Variants in CSNK2A2IP observed in about 807,000 individuals in gnomAD.
CSNK2A2IP encodes casein kinase 2 subunit alpha' interacting protein, also known as casein kinase II subunit alpha'-interacting protein.
chr3:88,418,325 C>T, the CSNK2A2IP span, among the ~76,000 whole-genome samples: 2 of 151,924 alleles, frequency 1.3e-5, no homozygotes, highest in Non-Finnish European at 2.9e-5. Flanking sequence ...ATATTGCATG[C>T]CTGTCGGCAT....
the CSNK2A2IP span, among the ~76,000 whole-genome samples, chr3:88,378,777 GTA>G: frequency 6.6e-6 from 1 of 151,816 alleles, no homozygotes; most frequent in African/African-American, 2.4e-5. Context: ...ATTTTTCTGT[GTA>G]TCCTAATGCA....
chr3:88,413,120 T>A, the CSNK2A2IP span, among the ~76,000 whole-genome samples: 1 of 152,040 alleles, frequency 6.6e-6, no homozygotes, highest in Admixed American at 6.6e-5. Flanking sequence ...CCTGTGACTT[T>A]GATTTAATTT....
At chr3:88,401,269 T>C in the CSNK2A2IP span, among the ~76,000 whole-genome samples, 1 of 152,128 alleles carries the variant, frequency 6.6e-6, no homozygotes, top group Non-Finnish European at 1.5e-5. Context: ...TTTCACAAGA[T>C]CTTATGTCTT....
chr3:88,461,237 T>A, the CSNK2A2IP span, among the ~76,000 whole-genome samples: 1 of 152,286 alleles, frequency 6.6e-6, no homozygotes, highest in East Asian at 1.9e-4. Flanking sequence ...GTTTGGAATA[T>A]AAACTTTTAA....
the CSNK2A2IP span, among the ~76,000 whole-genome samples, chr3:88,431,503 A>G: frequency 2.6e-5 from 4 of 152,186 alleles, no homozygotes; most frequent in African/African-American, 9.7e-5. Context: ...AACAGGGTAC[A>G]GTGTATACTA....
chr3:88,406,131 T>C, the CSNK2A2IP span, among the ~76,000 whole-genome samples: 1 of 152,124 alleles, frequency 6.6e-6, no homozygotes, highest in Non-Finnish European at 1.5e-5. Context: ...ACAATTCAAA[T>C]AGAAGAAAAT....
At chr3:88,443,966 A>C in the CSNK2A2IP span, among the ~76,000 whole-genome samples, 141 of 152,270 alleles carry the variant, frequency 9.3e-4, 1 homozygote, top group East Asian at 0.025. Flanking sequence ...AGTAGATTTA[A>C]ATTTTTTTCT....
chr3:88,353,683 A>T, the CSNK2A2IP span, among the ~76,000 whole-genome samples: 1 of 152,202 alleles, frequency 6.6e-6, no homozygotes, highest in Non-Finnish European at 1.5e-5. Context: ...AGTAGAGATA[A>T]TAATGAAGTA....
At chr3:88,376,692 A>G in the CSNK2A2IP span, among the ~76,000 whole-genome samples, 2 of 151,734 alleles carry the variant, frequency 1.3e-5, no homozygotes, top group Non-Finnish European at 2.9e-5. Flanking sequence ...TTCTCATGCT[A>G]TCATAGTTTC....
chr3:88,421,562 A>C, the CSNK2A2IP span, among the ~76,000 whole-genome samples: 2 of 152,026 alleles, frequency 1.3e-5, no homozygotes, highest in South Asian at 2.1e-4. Flanking sequence ...TTACAGGTGC[A>C]TGCCACCACG....
chr3:88,412,382 C>A, the CSNK2A2IP span, among the ~76,000 whole-genome samples: 2 of 151,886 alleles, frequency 1.3e-5, 1 homozygote, highest in South Asian at 4.2e-4. Flanking sequence ...TCTTCTGGAC[C>A]TTTATTTCTT....
At chr3:88,453,862 G>A in the CSNK2A2IP span, among the ~76,000 whole-genome samples, 438 of 152,090 alleles carry the variant, frequency 2.9e-3, 2 homozygotes, top group African/African-American at 9.8e-3. Context: ...ATAGTAGATT[G>A]ATTACAGTTT....
the CSNK2A2IP span, among the ~76,000 whole-genome samples, chr3:88,441,887 A>T: frequency 6.6e-6 from 1 of 152,152 alleles, no homozygotes; most frequent in Admixed American, 6.6e-5. Flanking sequence ...TCTTCTTGTT[A>T]CCATTTTTAT....
chr3:88,394,409 G>C, the CSNK2A2IP span, among the ~76,000 whole-genome samples: 6 of 152,136 alleles, frequency 3.9e-5, no homozygotes, highest in Admixed American at 1.3e-4. Flanking sequence ...TTTTGCTCTT[G>C]TTGCCCAGAC....
chr3:88,432,090 CTT>C, the CSNK2A2IP span, among the ~76,000 whole-genome samples: 2 of 151,848 alleles, frequency 1.3e-5, no homozygotes, highest in Non-Finnish European at 2.9e-5. Flanking sequence ...TTTTTAGACA[CTT>C]GAGCTGGCTT....
At chr3:88,463,299 G>A in the CSNK2A2IP span, among the ~76,000 whole-genome samples, 56,261 of 149,854 alleles carry the variant, frequency 0.38, 11,020 homozygotes, top group East Asian at 0.69. Context: ...AATCTGAAGA[G>A]CCAACCTTGG....
chr3:88,386,127 T>C, the CSNK2A2IP span, among the ~76,000 whole-genome samples: 3 of 152,148 alleles, frequency 2.0e-5, no homozygotes, highest in African/African-American at 7.2e-5. Flanking sequence ...TATGCTATTT[T>C]TTTTTTCTTT....
At chr3:88,356,552 A>C in the CSNK2A2IP span, among the ~76,000 whole-genome samples, 1 of 152,154 alleles carries the variant, frequency 6.6e-6, no homozygotes, top group African/African-American at 2.4e-5. Flanking sequence ...TAAAGCTGTA[A>C]TAAAAATGCA....
chr3:88,459,263 T>C, the CSNK2A2IP span, among the ~76,000 whole-genome samples: 1 of 152,142 alleles, frequency 6.6e-6, no homozygotes. Context: ...CACCCTCTCA[T>C]ATTTGCAATA....
Sources: allele counts gnomAD v4.1 joint callset (sites outside exome capture counted in the v4.1 genomes callset), GRCh38; gene constraint gnomAD v4.1.1; transcripts MANE v1.5; gene names NCBI Gene and HGNC (gene_info 2026-07-23, HGNC 2026-07-21).